Variants in KANK1 observed in about 807,000 individuals in gnomAD.
KANK1 encodes the protein KN motif and ankyrin repeat domain-containing protein 1.
KANK1 carries 109 observed loss-of-function variants against 106.2 expected under a neutral mutation model. That is an observed-to-expected ratio of 1.03 (90% CI 0.88 to 1.20). KANK1 has a LOEUF of 1.20. KANK1 is among the 50% of genes most tolerant of loss of function. The pLI, the probability that KANK1 is intolerant of heterozygous loss-of-function variation, is 0.00. For synonymous variants in KANK1, 873 were observed against 652.2 expected, an observed-to-expected ratio of 1.34 and a Z score of -5.16; for missense variants, 2,399 against 1,710.7, an observed-to-expected ratio of 1.40 and a Z score of -7.10.
intron 1 of KANK1, among the ~76,000 whole-genome samples, chr9:508,895 G>C (rs891163292): frequency 6.6e-6 from 1 of 152,146 alleles, no homozygotes; most frequent in African/African-American, 2.4e-5. Context: ...CAATACAAAT[G>C]TGTACATTTG....
At chr9:690,216 G>A (rs1819578485) in intron 2 of KANK1, among the ~76,000 whole-genome samples, 1 of 148,874 alleles carries the variant, frequency 6.7e-6, no homozygotes, top group South Asian at 2.2e-4. Context: ...TGAGGCAGGA[G>A]AATTGGTTGA....
intron 6 of KANK1, chr9:734,189 A>C (rs1833109764): frequency 6.6e-6 from 1 of 151,240 alleles, no homozygotes; most frequent in Non-Finnish European, 1.5e-5. Context: ...CATAAAGGCC[A>C]ATTGGTGAAG....
chr9:658,587 G>C (rs375903639), intron 1 of KANK1, among the ~76,000 whole-genome samples: 1 of 151,628 alleles, frequency 6.6e-6, no homozygotes, highest in Non-Finnish European at 1.5e-5. Context: ...AGATCTTCTA[G>C]GTTTTCTTAA....
chr9:722,544 T>G (rs2131375630), intron 3 of KANK1, among the ~76,000 whole-genome samples: 1 of 152,344 alleles, frequency 6.6e-6, no homozygotes. Flanking sequence ...CAGCAGTCAT[T>G]TGTCAGTCTT....
At chr9:692,496 A>AT (rs1365599380) in intron 2 of KANK1, among the ~76,000 whole-genome samples, 2 of 132,084 alleles carry the variant, frequency 1.5e-5, no homozygotes, top group Non-Finnish European at 3.2e-5. Flanking sequence ...TTTGGGTTAG[A>AT]TTTTTTCTTC....
In KANK1 at chr9:731,219, T is replaced by C. The variant is rs1331130096; in HGVS notation, c.2958T>C (p.Asp986=). 6.2e-7 allele frequency: 1 copy of C among 1,612,224 alleles called. No homozygotes were observed. The change falls in exon 5 of 12, where the codon GAT becomes GAC. Residue 986 remains aspartate, a synonymous_variant. Transcript: ENST00000382297. The part of the protein sequence containing the change: ...SIMKKKDGNK[D]SNGAKKNLQF... Reference sequence around the variant, plus strand: ...TGAAGAAGAAAGATGGTAACAAAGATTCAAATGGCGCAAAAAAGAATCTTC... The same window carrying C: ...TGAAGAAGAAAGATGGTAACAAAGACTCAAATGGCGCAAAAAAGAATCTTC...
intron 1 of KANK1, among the ~76,000 whole-genome samples, chr9:661,867 G>A (rs1412763261): frequency 1.0e-5 from 1 of 99,966 alleles, no homozygotes; most frequent in East Asian, 3.8e-4. Context: ...GCATTTCTCT[G>A]ATGGCCAGTG....
chr9:712,318 G>A lies in KANK1; in HGVS notation c.1552G>A (p.Ala518Thr). 6.2e-7 allele frequency: 1 copy of A among 1,614,234 alleles called. No homozygotes were observed. The highest frequency in any genetic ancestry group is 8.5e-7 in the Non-Finnish European group (1 of 1,180,044). ...QPLVFSKVVE[A>T]VVQTRDQMVG... ...GCTTGTTTTCAGTAAGGTGGTGGAG[G>A]CAGTGGTGCAGACCAGAGACCAAAT... Residue 518 changes from alanine to threonine, a missense_variant, in exon 3 of 12, where the codon GCA becomes ACA. Coordinates refer to ENST00000382297, the MANE Select transcript of KANK1 (RefSeq NM_015158.5).
chr9:690,339 G>A (rs1415466941), intron 2 of KANK1, among the ~76,000 whole-genome samples: 1 of 149,484 alleles, frequency 6.7e-6, no homozygotes, highest in East Asian at 2.0e-4. Context: ...GGCTACAAGA[G>A]AGAATGTCCC....
chr9:659,386 G>A (rs947306378), intron 1 of KANK1, among the ~76,000 whole-genome samples: 1 of 152,092 alleles, frequency 6.6e-6, no homozygotes, highest in Non-Finnish European at 1.5e-5. Flanking sequence ...AATGCAGATT[G>A]CAGGGCCCCA....
At chr9:649,918 C>T (rs938933295) in intron 1 of KANK1, among the ~76,000 whole-genome samples, 4 of 152,228 alleles carry the variant, frequency 2.6e-5, no homozygotes, top group East Asian at 1.9e-4. Context: ...GCGTCATCCC[C>T]GTTGCCCTTT....
At chr9:550,333 AT>A (rs1161234559) in intron 1 of KANK1, among the ~76,000 whole-genome samples, 1 of 152,176 alleles carries the variant, frequency 6.6e-6, no homozygotes, top group African/African-American at 2.4e-5. Flanking sequence ...CCTCCTTCTT[AT>A]TTAATAATAC....
At chr9:593,675 G>A (rs1247735506) in intron 1 of KANK1, among the ~76,000 whole-genome samples, 1 of 151,742 alleles carries the variant, frequency 6.6e-6, no homozygotes, top group Non-Finnish European at 1.5e-5. Flanking sequence ...GAGGACCAGG[G>A]CTTGAGCACC....
intron 1 of KANK1, among the ~76,000 whole-genome samples, chr9:528,910 C>A (rs539631942): frequency 6.6e-6 from 1 of 152,078 alleles, no homozygotes; most frequent in South Asian, 2.1e-4. Flanking sequence ...AGCAATCATC[C>A]CACCTCAGCC....
At chr9:622,220 A>G (rs1042604764) in intron 1 of KANK1, among the ~76,000 whole-genome samples, 3 of 152,210 alleles carry the variant, frequency 2.0e-5, no homozygotes, top group African/African-American at 4.8e-5. Context: ...TTTAGTATCC[A>G]TAAAAGACTT....
intron 1 of KANK1, among the ~76,000 whole-genome samples, chr9:622,483 A>G (rs939623046): frequency 6.6e-6 from 1 of 152,218 alleles, no homozygotes; most frequent in Non-Finnish European, 1.5e-5. Flanking sequence ...GGTGCCAAGA[A>G]TACGCAATGG....
chr9:658,699 C>G (rs1437949351), intron 1 of KANK1, among the ~76,000 whole-genome samples: 1 of 151,960 alleles, frequency 6.6e-6, no homozygotes, highest in Non-Finnish European at 1.5e-5. Context: ...ACTATAGATA[C>G]CAGATTGCTG....
intron 1 of KANK1, among the ~76,000 whole-genome samples, chr9:635,694 C>G (rs77440155): frequency 9.7e-6 from 1 of 103,374 alleles, no homozygotes; most frequent in Non-Finnish European, 1.8e-5. Flanking sequence ...CCTTTTTATT[C>G]TTTTTTTTTT....
At chr9:491,845 A>AT (rs2132312325) in intron 3 of KANK1, among the ~76,000 whole-genome samples, 1 of 152,248 alleles carries the variant, frequency 6.6e-6, no homozygotes, top group African/African-American at 2.4e-5. Flanking sequence ...TGTGATAGTG[A>AT]TTAAGTCTCA....
Sources: allele counts gnomAD v4.1 joint callset (sites outside exome capture counted in the v4.1 genomes callset), GRCh38; gene constraint gnomAD v4.1.1; transcripts MANE v1.5; gene names NCBI Gene and HGNC (gene_info 2026-07-23, HGNC 2026-07-21).